SORCS1: variants seen among roughly 807,000 people sequenced by gnomAD.
The protein encoded by SORCS1 is sortilin related VPS10 domain containing receptor 1.
In SORCS1, 60 loss-of-function variants were observed where a neutral mutation model predicts 146.1. The ratio of observed to expected loss-of-function variants is 0.41; its 90% CI spans 0.33 to 0.51. The LOEUF is 0.51. SORCS1 is among the 20% of genes least tolerant of loss of function. The pLI is 0.21. For missense variants in SORCS1, 1,352 were observed against 1,487.6 expected (o/e 0.91, Z 1.50); for synonymous variants, 637 against 584.0 (o/e 1.09, Z -1.31).
At chr10:107,176,329 CTT>C in the SORCS1 span, among the ~76,000 whole-genome samples, 1 of 146,306 alleles carries the variant, frequency 6.8e-6, no homozygotes, top group Non-Finnish European at 1.5e-5. Context: ...CTCTCTCTCT[CTT>C]TCTTTTTTTC....
chr10:106,819,821 C>T (rs189062199), intron 3 of SORCS1, among the ~76,000 whole-genome samples: 3 of 152,186 alleles, frequency 2.0e-5, no homozygotes, highest in African/African-American at 7.2e-5. Flanking sequence ...TTAATAAGTT[C>T]CTGGTAAATT....
chr10:106,678,632 C>G (rs1028651601), intron 12 of SORCS1, among the ~76,000 whole-genome samples: 8 of 152,150 alleles, frequency 5.3e-5, no homozygotes, highest in Admixed American at 5.2e-4. Context: ...ATTGCTAAAC[C>G]TCATTAAATG....
intron 1 of SORCS1, among the ~76,000 whole-genome samples, chr10:107,058,346 T>G (rs1207806868): frequency 6.6e-6 from 1 of 152,152 alleles, no homozygotes; most frequent in Non-Finnish European, 1.5e-5. Context: ...TGGCCTAAAA[T>G]CAACTTTTAT....
chr10:106,821,832 G>C (rs575625427), intron 3 of SORCS1, among the ~76,000 whole-genome samples: 134 of 152,038 alleles, frequency 8.8e-4, no homozygotes, highest in African/African-American at 3.2e-3. Flanking sequence ...TCAGGCAGGA[G>C]AATGGCGTGA....
upstream of SORCS1, among the ~76,000 whole-genome samples, chr10:107,168,658 G>A (rs1373373031): frequency 7.5e-6 from 1 of 133,848 alleles, no homozygotes; most frequent in African/African-American, 2.8e-5. Flanking sequence ...AAATGTACCA[G>A]CTCATGCCTT....
At chr10:106,931,184 T>G (rs2138590186) in intron 2 of SORCS1, among the ~76,000 whole-genome samples, 1 of 152,292 alleles carries the variant, frequency 6.6e-6, no homozygotes, top group South Asian at 2.1e-4. Context: ...CCAAAAATAC[T>G]TGAGAGGCAT....
chr10:106,916,388 T>C (rs1002135607), intron 2 of SORCS1, among the ~76,000 whole-genome samples: 4 of 151,388 alleles, frequency 2.6e-5, no homozygotes, highest in Non-Finnish European at 4.4e-5. Flanking sequence ...CCAGGTCCAA[T>C]TTTTTGTTTC....
intron 1 of SORCS1, among the ~76,000 whole-genome samples, chr10:106,995,295 CAG>C (rs1956945748): frequency 7.2e-6 from 1 of 138,448 alleles, no homozygotes; most frequent in Non-Finnish European, 1.5e-5. Context: ...GCCTGGGAGA[CAG>C]AGCGAGACTC....
At chr10:106,899,266 A>G (rs1365468539) in intron 2 of SORCS1, among the ~76,000 whole-genome samples, 3 of 152,364 alleles carry the variant, frequency 2.0e-5, no homozygotes, top group Non-Finnish European at 2.9e-5. Flanking sequence ...CTGGGGATTT[A>G]ACAATATGGG....
chr10:107,062,224 T>G (rs77743986), intron 1 of SORCS1, among the ~76,000 whole-genome samples: 2,276 of 152,308 alleles, frequency 0.015, 25 homozygotes, highest in Middle Eastern at 0.041. Context: ...GAATTGACAT[T>G]GAATTTAATC....
chr10:106,940,313 T>A (rs1277660534), intron 2 of SORCS1, among the ~76,000 whole-genome samples: 1 of 152,208 alleles, frequency 6.6e-6, no homozygotes, highest in Non-Finnish European at 1.5e-5. Flanking sequence ...AACATATTTT[T>A]AAAAAATCTC....
intron 6 of SORCS1, among the ~76,000 whole-genome samples, chr10:106,721,870 C>A (rs1414436563): frequency 6.6e-6 from 1 of 152,034 alleles, no homozygotes; most frequent in Admixed American, 6.6e-5. Context: ...ACAAAGGTCT[C>A]TATAATTTAG....
At chr10:106,854,908 A>G (rs1006994111) in intron 2 of SORCS1, among the ~76,000 whole-genome samples, 3 of 152,208 alleles carry the variant, frequency 2.0e-5, no homozygotes, top group Admixed American at 6.5e-5. Context: ...CTGTGAGATT[A>G]CTACTCAGAA....
chr10:107,164,508 C>G lies in SORCS1; in HGVS notation c.19G>C (p.Gly7Arg). The change falls in exon 1 of 26, where the codon GGC becomes CGC. Residue 7 changes from glycine (G) to arginine (R), a missense_variant. By Grantham distance (125) the Gly-to-Arg change is moderately radical (BLOSUM62 -2). Transcript: ENST00000263054. This position sits in a 1 kb window ranked among gnomAD's most constrained non-coding sequence, Gnocchi z 6.8. The stretch of plus-strand genomic sequence containing the variant: ...CTCAGCCGGGCTTGGGAGCCGCCGC[C>G]GGCGCCAACTTTTCCCATCGCGGGA... Reference protein sequence around the residue: MGKVGAGGGSQARLSAL... With the variant: MGKVGARGGSQARLSAL... 1 of 1,345,750 alleles carries G rather than the reference C, an allele frequency of 7.4e-7. No homozygotes were observed. The highest frequency in any genetic ancestry group is 1.9e-5 in the South Asian group (1 of 51,992). 83.4% of individuals were successfully genotyped at this position (1,345,750 alleles called of 1,614,324 possible). A position where few individuals can be genotyped will look rare whatever the true frequency, so the allele number is the denominator to read the frequency against.
Position 106,761,274 on chromosome 10 carries a change from T to C in SORCS1, c.959+314A>G, listed in dbSNP as rs139326856. 1.9e-3 allele frequency among the ~76,000 whole-genome samples: 293 copies of C among 152,308 alleles called. 2 individuals are homozygous for C. Among genetic ancestry groups the C allele is most frequent in the African/African-American group, 6.9e-3 (285 of 41,572 alleles). ...TGCTTTTAATAATAAAAAGTCACTATTAGATTTTTTTAAATGTCTGTCTCA... is the reference window on the plus strand; with the variant it reads ...TGCTTTTAATAATAAAAAGTCACTACTAGATTTTTTTAAATGTCTGTCTCA... On this transcript the variant is annotated intron_variant, in intron 5 of 25. Transcript: ENST00000263054.
At chr10:107,002,858 T>G (rs932007920) in intron 1 of SORCS1, among the ~76,000 whole-genome samples, 1 of 152,218 alleles carries the variant, frequency 6.6e-6, no homozygotes, top group Non-Finnish European at 1.5e-5. Flanking sequence ...ATTGCTGACA[T>G]GCATCATTCA....
chr10:106,739,553 A>C (rs1435477531), intron 5 of SORCS1, among the ~76,000 whole-genome samples: 3 of 151,996 alleles, frequency 2.0e-5, no homozygotes, highest in Non-Finnish European at 4.4e-5. Flanking sequence ...TCATGCCTGT[A>C]ATCCCAGCAC....
intron 1 of SORCS1, among the ~76,000 whole-genome samples, chr10:107,105,971 G>A (rs772730477): frequency 5.9e-5 from 9 of 152,318 alleles, no homozygotes; most frequent in African/African-American, 1.4e-4. Context: ...GCAAAGAAGG[G>A]AGAGAAGCAT....
At chr10:106,796,862 C>T (rs1031557237) in intron 3 of SORCS1, among the ~76,000 whole-genome samples, 1 of 152,236 alleles carries the variant, frequency 6.6e-6, no homozygotes, top group Non-Finnish European at 1.5e-5. Context: ...GTAATCCCAG[C>T]ACTTTGGGAG....
Sources: allele counts gnomAD v4.1 joint callset (sites outside exome capture counted in the v4.1 genomes callset), GRCh38; gene constraint gnomAD v4.1.1; non-coding constraint Gnocchi (gnomAD v3.1); transcripts MANE v1.5; gene names NCBI Gene and HGNC (gene_info 2026-07-23, HGNC 2026-07-21).